The following IRAG1 variants were observed in gnomAD, a reference collection of about 807,000 sequenced individuals.
IRAG1 encodes IP3R-associated cGMP kinase substrate.
In IRAG1, 62 loss-of-function variants were observed where a neutral mutation model predicts 106.2. The observed-to-expected ratio is 0.58, with a 90% confidence interval of 0.48 to 0.72. The LOEUF (loss-of-function observed/expected upper bound fraction) is 0.72. IRAG1 is among the 30% of genes least tolerant of loss of function. The probability of loss-of-function intolerance (pLI) is 0.00; values close to 1 mark genes in which losing one functional copy is unlikely to be tolerated. For missense variants in IRAG1, 1,064 were observed against 1,140.7 expected (o/e 0.93, Z 0.97); for synonymous variants, 462 against 443.9 (o/e 1.04, Z -0.51).
In IRAG1 at chr11:10,684,064, A is replaced by G. The variant is rs193230278; in HGVS notation, c.67+9472T>C. ...ATGCTAAAAAAATTTTCTCTAAACT[A>G]ATAAGATGCAACATCCAAAAAACTT... On this transcript the variant is annotated intron_variant, in intron 1 of 20. Coordinates refer to ENST00000423302, the MANE Select transcript of IRAG1 (RefSeq NM_130385.4). Among the ~76,000 whole-genome samples, 270 of 152,326 alleles carry G rather than the reference A, an allele frequency of 1.8e-3. 1 individual carries two copies. Among genetic ancestry groups the G allele is most frequent in the Non-Finnish European group, 2.9e-3 (194 of 68,014 alleles).
At chr11:10,625,765 A>G (rs1856195854) in intron 9 of IRAG1, among the ~76,000 whole-genome samples, 1 of 152,046 alleles carries the variant, frequency 6.6e-6, no homozygotes, top group African/African-American at 2.4e-5. Flanking sequence ...ACTGGCATAA[A>G]AAAGCACCTA....
intron 4 of IRAG1, among the ~76,000 whole-genome samples, chr11:10,631,696 A>C (rs1465410486): frequency 6.6e-6 from 1 of 152,220 alleles, no homozygotes; most frequent in East Asian, 1.9e-4. Flanking sequence ...CCTCTTTAGC[A>C]GAGGCTGGAG....
chr11:10,601,672 G>C (rs1245251639), intron 14 of IRAG1, among the ~76,000 whole-genome samples: 1 of 152,178 alleles, frequency 6.6e-6, no homozygotes, highest in African/African-American at 2.4e-5. Flanking sequence ...GCTAGACAAA[G>C]GAATTTGAAC....
intron 1 of IRAG1, among the ~76,000 whole-genome samples, chr11:10,689,525 C>T (rs1388161792): frequency 6.6e-6 from 1 of 152,236 alleles, no homozygotes; most frequent in Non-Finnish European, 1.5e-5. Flanking sequence ...AAACCCACCT[C>T]TGAGAGCTGA....
intron 1 of IRAG1, among the ~76,000 whole-genome samples, chr11:10,669,769 G>A (rs1458985698): frequency 2.6e-5 from 4 of 152,194 alleles, no homozygotes; most frequent in Middle Eastern, 3.4e-3. Flanking sequence ...CACCCCCATG[G>A]GATAAAATAC....
chr11:10,621,726 A>C (rs1056481082), intron 10 of IRAG1, among the ~76,000 whole-genome samples: 7 of 152,240 alleles, frequency 4.6e-5, no homozygotes, highest in African/African-American at 1.7e-4. Context: ...ATAAAATCAG[A>C]GGTAACAAAA....
chr11:10,604,565 G>A lies in IRAG1; in HGVS notation c.1603-20C>T. 5 of 1,613,968 alleles carry A rather than the reference G, an allele frequency of 3.1e-6. No homozygotes were observed. Among genetic ancestry groups the A allele is most frequent in the Non-Finnish European group, 4.2e-6 (5 of 1,179,848 alleles). On this transcript the variant is annotated intron_variant, in intron 12 of 20. Transcript: ENST00000423302. Reference sequence around the variant, plus strand: ...CACGTTCTGTTGGGAACAAGGGTGTGAGAGAGGTGCTGGGAGGAGTTACTG... The same window carrying A: ...CACGTTCTGTTGGGAACAAGGGTGTAAGAGAGGTGCTGGGAGGAGTTACTG...
In IRAG1 at chr11:10,580,375, AG is replaced by A. The variant is rs1159258985; in HGVS notation, c.2495+79del. ...ACTGCTGCCCTGGACTGGCATTTCC[AG>A]GGATTTTGTGCATTTAAATTAGATG... On this transcript the variant is annotated intron_variant, in intron 20 of 20. Coordinates refer to ENST00000423302, the MANE Select transcript of IRAG1 (RefSeq NM_130385.4). 39 of 1,551,696 alleles carry A rather than the reference AG, an allele frequency of 2.5e-5. No individual in the cohort carries two copies. In the South Asian group the frequency reaches 4.7e-4, roughly 19 times the overall value.
At chr11:10,615,774 G>A (rs1206100287) in intron 10 of IRAG1, among the ~76,000 whole-genome samples, 2 of 151,808 alleles carry the variant, frequency 1.3e-5, no homozygotes, top group African/African-American at 4.8e-5. Context: ...ACACACCGGG[G>A]CCTGTGGTGG....
In IRAG1 at chr11:10,580,458, C is replaced by A. The variant is rs755309284; in HGVS notation, c.2492G>T (p.Ser831Ile). The A allele has an allele frequency of 4.3e-6, 7 of 1,610,760 alleles. No individual in the cohort carries two copies. In the African/African-American group the frequency reaches 8.1e-5, roughly 19 times the overall value. The change falls in exon 20 of 21, where the codon AGC becomes ATC. Residue 831 changes from serine to isoleucine, a missense_variant. By Grantham distance (142) the Ser-to-Ile change is moderately radical. Transcript: ENST00000423302. The part of the protein sequence containing the change: ...ETEEEEKGPR[S>I]SKLEELVHFL... ...ACTCCAAACACAGGCTTCCCACCTGCTTCTTGGGCCCTTTTCCTCTTCCTC... is the reference window on the plus strand; with the variant it reads ...ACTCCAAACACAGGCTTCCCACCTGATTCTTGGGCCCTTTTCCTCTTCCTC...
At chr11:10,633,075 C>CTTT (rs34222717) in intron 3 of IRAG1, among the ~76,000 whole-genome samples, 9 of 124,812 alleles carry the variant, frequency 7.2e-5, no homozygotes, top group African/African-American at 9.2e-5. Flanking sequence ...TTCTTTCTTT[C>CTTT]TTTTTTTTTT....
At chr11:10,610,774 C>T (rs192767470) in intron 10 of IRAG1, among the ~76,000 whole-genome samples, 9 of 152,328 alleles carry the variant, frequency 5.9e-5, no homozygotes, top group Middle Eastern at 3.4e-3. Context: ...TGCCTGACTA[C>T]GGGCTTACAG....
intron 9 of IRAG1, among the ~76,000 whole-genome samples, chr11:10,624,406 G>A (rs1324666414): frequency 6.6e-6 from 1 of 152,212 alleles, no homozygotes; most frequent in Admixed American, 6.5e-5. Context: ...CCAGAAAAGT[G>A]AGGCCTGAGA....
chr11:10,633,698 C>T (rs1856917872), intron 3 of IRAG1, among the ~76,000 whole-genome samples: 1 of 152,204 alleles, frequency 6.6e-6, no homozygotes, highest in Non-Finnish European at 1.5e-5. Flanking sequence ...GTTTTAACCT[C>T]CACTAGCCCT....
chr11:10,631,907 C>T, intron 4 of IRAG1, 84 bp downstream of exon 4: 1 of 1,136,080 alleles, frequency 8.8e-7, no homozygotes, highest in Non-Finnish European at 1.3e-6. Flanking sequence ...CCTTAAAGAG[C>T]AGGAGAGAGG....
intron 18 of IRAG1, among the ~76,000 whole-genome samples, chr11:10,582,981 A>G (rs985318148): frequency 7.9e-5 from 12 of 152,166 alleles, no homozygotes; most frequent in African/African-American, 2.9e-4. Flanking sequence ...CATTCCAGGA[A>G]GAGAATGCGG....
At position 10,693,522 on chromosome 11, in the gene IRAG1, T is replaced by C. The variant is rs990079269; in HGVS notation, c.67+14A>G. On this transcript the variant is annotated intron_variant, in intron 1 of 20. Transcript: ENST00000423302. Reference sequence around the variant, plus strand: ...CGAAGAGGCAGGTTATTCTAGGATATAGGGGAGGCTTACCTAAAACTGAGT... The same window carrying C: ...CGAAGAGGCAGGTTATTCTAGGATACAGGGGAGGCTTACCTAAAACTGAGT... 1.4e-5 allele frequency: 21 copies of C among 1,535,520 alleles called. No individual in the cohort carries two copies. Among genetic ancestry groups the C allele is most frequent in the Middle Eastern group, 1.7e-4 (1 of 5,978 alleles).
At chr11:10,631,541 T>C (rs1856688846) in intron 4 of IRAG1, among the ~76,000 whole-genome samples, 1 of 152,204 alleles carries the variant, frequency 6.6e-6, no homozygotes, top group South Asian at 2.1e-4. Context: ...TCATAGTCTA[T>C]GAGCAGCATG....
intron 2 of IRAG1, among the ~76,000 whole-genome samples, chr11:10,644,381 T>C (rs1177971586): frequency 2.0e-5 from 3 of 152,250 alleles, no homozygotes; most frequent in Admixed American, 2.0e-4. Flanking sequence ...TTATTGATAA[T>C]TTATTTTAAA....
Sources: allele counts gnomAD v4.1 joint callset (sites outside exome capture counted in the v4.1 genomes callset), GRCh38; gene constraint gnomAD v4.1.1; transcripts MANE v1.5; gene names NCBI Gene and HGNC (gene_info 2026-07-23, HGNC 2026-07-21).